Variants in CNKSR2 observed in about 807,000 individuals in gnomAD.
The protein encoded by CNKSR2 is CNK homolog protein 2.
Under a neutral mutation model 84.4 loss-of-function variants are expected in CNKSR2, and 14 were observed. The ratio of observed to expected loss-of-function variants is 0.17; its 90% CI spans 0.11 to 0.26. The LOEUF (loss-of-function observed/expected upper bound fraction) is 0.26. CNKSR2 is among the 10% of genes least tolerant of loss of function. CNKSR2 has a pLI of 1.00. For synonymous variants in CNKSR2, 275 were observed against 277.9 expected, an observed-to-expected ratio of 0.99 and a Z score of 0.10; for missense variants, 485 against 771.2, an observed-to-expected ratio of 0.63 and a Z score of 4.40.
At chrX:21,607,829 T>C (rs1480559493) in intron 19 of CNKSR2, among the ~76,000 whole-genome samples, 1 of 109,881 alleles carries the variant, frequency 9.1e-6, no homozygotes, top group Non-Finnish European at 1.9e-5. Context: ...ATAATAATAT[T>C]CCATGGTCAC....
intron 20 of CNKSR2, among the ~76,000 whole-genome samples, chrX:21,634,568 T>A (rs2092661757): frequency 9.0e-6 from 1 of 111,040 alleles, no homozygotes; most frequent in Non-Finnish European, 1.9e-5. Flanking sequence ...TATTGCAAGC[T>A]CAGTTAGAAA....
At chrX:21,410,601 T>G (rs769088909) in intron 1 of CNKSR2, among the ~76,000 whole-genome samples, 2 of 111,882 alleles carry the variant, frequency 1.8e-5, no homozygotes, top group South Asian at 7.3e-4. Context: ...AGGATTCTTT[T>G]TATCCTAACA....
chrX:21,392,649 A>G (rs927972871), intron 1 of CNKSR2, among the ~76,000 whole-genome samples: 4 of 111,633 alleles, frequency 3.6e-5, no homozygotes, highest in Non-Finnish European at 5.6e-5. Flanking sequence ...ACAGTTCAAC[A>G]TGAGATTTGG....
At chrX:21,562,567 A>G (rs953935046) in intron 12 of CNKSR2, among the ~76,000 whole-genome samples, 2 of 111,493 alleles carry the variant, frequency 1.8e-5, no homozygotes, top group African/African-American at 3.3e-5. Flanking sequence ...CCATTTTCCA[A>G]TCTTCAATTT....
rs140198938 is a variant in CNKSR2, at chrX:21,531,897, A to T, written c.1133A>T (p.His378Leu). 1.7e-6 allele frequency: 2 copies of T among 1,205,807 alleles called. No homozygotes were observed. The highest frequency in any genetic ancestry group is 3.5e-5 in the African/African-American group (2 of 56,958). ...GNLPCEDLRG[H>L]MVGKPVHKGS... ...CTTCCTTGTGAAGACCTCAGAGGAC[A>T]TATGGTGGGCAAGCCAGTGCATAAG... The change falls in exon 11 of 22, where the codon CAT (histidine) becomes CTT (leucine). Residue 378 changes from histidine to leucine, a missense_variant. By Grantham distance (99) the His-to-Leu change is moderately conservative (BLOSUM62 -3). Coordinates refer to ENST00000379510, the MANE Select transcript of CNKSR2 (RefSeq NM_014927.5).
Position 21,648,817 on chromosome X carries a change from T to TG in CNKSR2, c.2693-14_2693-13insG. 1.1e-6 allele frequency: 1 copy of TG among 935,982 alleles called. No homozygotes were observed. The highest frequency in any genetic ancestry group is 1.4e-6 in the Non-Finnish European group (1 of 714,206). The allele number at this position is 935,982 out of a possible 1,213,427, so 77.1% of individuals were successfully genotyped here. The stretch of plus-strand genomic sequence containing the variant: ...TTCTTTTTTTTTTTTTTTTTTTTTT[T>TG]TTGGATGTTGCAGGTGAAAGCAGAG... On this transcript the variant is annotated splice_polypyrimidine_tract_variant and intron_variant, in intron 20 of 21. Coordinates refer to ENST00000379510, the MANE Select transcript of CNKSR2 (RefSeq NM_014927.5).
At chrX:21,404,070 A>G (rs1312389477) in intron 1 of CNKSR2, among the ~76,000 whole-genome samples, 1 of 112,315 alleles carries the variant, frequency 8.9e-6, no homozygotes, top group African/African-American at 3.2e-5. Flanking sequence ...TAGCTTAATT[A>G]GTTGAAAGAT....
chrX:21,395,945 T>C (rs1482711436), intron 1 of CNKSR2, among the ~76,000 whole-genome samples: 1 of 111,958 alleles, frequency 8.9e-6, no homozygotes, highest in African/African-American at 3.2e-5. Flanking sequence ...TGCCCACAGA[T>C]CTAGGCCACC....
intron 5 of CNKSR2, among the ~76,000 whole-genome samples, chrX:21,488,581 G>A (rs148281633): frequency 6.3e-4 from 70 of 111,753 alleles, no homozygotes; most frequent in African/African-American, 2.0e-3. Context: ...AGAAGCAGAT[G>A]CAAACAGCAC....
chrX:21,606,323 G>A (rs1049515006), intron 18 of CNKSR2, among the ~76,000 whole-genome samples: 1 of 112,034 alleles, frequency 8.9e-6, no homozygotes, highest in Admixed American at 9.5e-5. Context: ...AGAGAATTGA[G>A]AGCATTATTT....
rs929499425 is a variant in CNKSR2, at chrX:21,561,905, C to T, written c.1393+345C>T. Among the ~76,000 whole-genome samples, 7 of 110,392 alleles carry T rather than the reference C, an allele frequency of 6.3e-5. No individual in the cohort carries two copies. The South Asian group carries it at 1.1e-3, about 18-fold the overall frequency. On this transcript the variant is annotated intron_variant, in intron 12 of 21. Transcript: ENST00000379510. Reference sequence around the variant, plus strand: ...GGAAGAGTTTATCATCAGTCCTCATCGGTCTGCAATGCAACCTCACCAGTT... The same window carrying T: ...GGAAGAGTTTATCATCAGTCCTCATTGGTCTGCAATGCAACCTCACCAGTT...
intron 13 of CNKSR2, among the ~76,000 whole-genome samples, chrX:21,572,262 A>T (rs1601964857): frequency 8.9e-6 from 1 of 112,140 alleles, no homozygotes; most frequent in East Asian, 2.8e-4. Flanking sequence ...CCCAGAAGTG[A>T]CAGTACTTTC....
intron 20 of CNKSR2, among the ~76,000 whole-genome samples, chrX:21,632,421 A>G (rs1156891712): frequency 9.0e-6 from 1 of 111,713 alleles, no homozygotes; most frequent in Admixed American, 9.5e-5. Context: ...TTGTTAAAGA[A>G]GAGTTCCTGC....
At chrX:21,472,215 T>G (rs972278019) in intron 5 of CNKSR2, among the ~76,000 whole-genome samples, 1 of 111,988 alleles carries the variant, frequency 8.9e-6, no homozygotes, top group African/African-American at 3.2e-5. Context: ...ACATTTTATT[T>G]TCTGTGAGTG....
intron 1 of CNKSR2, among the ~76,000 whole-genome samples, chrX:21,419,907 A>G (rs1424686333): frequency 8.9e-6 from 1 of 111,915 alleles, no homozygotes; most frequent in Admixed American, 9.4e-5. Context: ...GCTACTGCTT[A>G]TGTTCTCTCA....
At chrX:21,517,939 A>T (rs1187207222) in intron 9 of CNKSR2, among the ~76,000 whole-genome samples, 1 of 111,957 alleles carries the variant, frequency 8.9e-6, no homozygotes, top group African/African-American at 3.2e-5. Flanking sequence ...CATTGTTTAA[A>T]ACTTTACTAC....
intron 11 of CNKSR2, among the ~76,000 whole-genome samples, chrX:21,533,461 A>G (rs1276705589): frequency 9.0e-6 from 1 of 111,124 alleles, no homozygotes; most frequent in Non-Finnish European, 1.9e-5. Flanking sequence ...GTGTTGAAGT[A>G]GATAATTAAT....
At position 21,554,905 on chromosome X, in the gene CNKSR2, C is replaced by T. The variant is rs150302364; in HGVS notation, c.1304-6566C>T. Reference sequence around the variant, plus strand: ...CTGTCTTTAGGTCTTTGAGGAATTGCCACACTGTCTTCCACAATGGCTGAA... The same window carrying T: ...CTGTCTTTAGGTCTTTGAGGAATTGTCACACTGTCTTCCACAATGGCTGAA... On this transcript the variant is annotated intron_variant, in intron 11 of 21. Coordinates refer to ENST00000379510, the MANE Select transcript of CNKSR2 (RefSeq NM_014927.5). 6.8e-4 allele frequency among the ~76,000 whole-genome samples: 76 copies of T among 111,308 alleles called. 1 individual carries two copies. The highest frequency in any genetic ancestry group is 2.2e-3 in the African/African-American group (67 of 30,718).
intron 15 of CNKSR2, chrX:21,594,410 A>G (rs1342336216): frequency 2.7e-5 from 3 of 110,656 alleles, no homozygotes; most frequent in African/African-American, 9.9e-5. Context: ...TGTACAAAAA[A>G]CCCCTGTGAC....
Sources: allele counts gnomAD v4.1 joint callset (sites outside exome capture counted in the v4.1 genomes callset), GRCh38; gene constraint gnomAD v4.1.1; transcripts MANE v1.5; gene names NCBI Gene and HGNC (gene_info 2026-07-23, HGNC 2026-07-21).